Variants in DNAH7 observed in about 807,000 individuals in gnomAD.
The protein encoded by DNAH7 is axonemal beta dynein heavy chain 7.
A neutral mutation model predicts 444.6 loss-of-function variants in DNAH7; 397 were observed. The observed-to-expected ratio is 0.89, with a 90% confidence interval of 0.82 to 0.97. The LOEUF is 0.97. Among genes scored for constraint, DNAH7 ranks in the 50% least tolerant of loss-of-function variants. The pLI, the probability that DNAH7 is intolerant of heterozygous loss-of-function variation, is 0.00. For missense variants in DNAH7, 4,902 were observed against 4,800.8 expected (o/e 1.02, Z -0.62); for synonymous variants, 1,636 against 1,624.4 (o/e 1.01, Z -0.17).
intron 24 of DNAH7, among the ~76,000 whole-genome samples, chr2:195,921,404 C>T (rs966502445): frequency 1.3e-5 from 2 of 148,960 alleles, no homozygotes; most frequent in Non-Finnish European, 3.0e-5. Flanking sequence ...CCATGGAATA[C>T]TACTCAGCCA....
chr2:195,810,883 A>G (rs759141664), intron 51 of DNAH7, among the ~76,000 whole-genome samples: 1 of 152,212 alleles, frequency 6.6e-6, no homozygotes, highest in Non-Finnish European at 1.5e-5. Context: ...CATGGCATTG[A>G]ATTTGTCTCA....
At chr2:195,809,170 A>G (rs1457469890) in intron 52 of DNAH7, among the ~76,000 whole-genome samples, 7 of 152,232 alleles carry the variant, frequency 4.6e-5, no homozygotes, top group Non-Finnish European at 7.3e-5. Context: ...GTGTTTTCCA[A>G]AATGACTGCC....
intron 38 of DNAH7, among the ~76,000 whole-genome samples, chr2:195,875,404 G>A (rs1700989074): frequency 6.8e-6 from 1 of 146,664 alleles, no homozygotes; most frequent in South Asian, 2.1e-4. Flanking sequence ...TCCAGAAGGT[G>A]GGAGAAAAAA....
At chr2:195,763,615 T>C (rs1694444812) in intron 61 of DNAH7, among the ~76,000 whole-genome samples, 1 of 152,024 alleles carries the variant, frequency 6.6e-6, no homozygotes, top group Non-Finnish European at 1.5e-5. Flanking sequence ...ACCAATAAAC[T>C]GGAAAACCTA....
At chr2:195,990,213 T>TA (rs1693208185) in intron 12 of DNAH7, among the ~76,000 whole-genome samples, 1 of 152,240 alleles carries the variant, frequency 6.6e-6, no homozygotes, top group African/African-American at 2.4e-5. Context: ...TTTTGGGTGT[T>TA]ACATTTAAAT....
chr2:196,036,571 C>G (rs374845854), intron 5 of DNAH7, among the ~76,000 whole-genome samples: 13 of 152,150 alleles, frequency 8.5e-5, no homozygotes, highest in African/African-American at 2.4e-4. Context: ...CTGCCACCAA[C>G]AATGACCTTG....
intron 23 of DNAH7, 112 bp downstream of exon 23, chr2:195,923,483 C>T: frequency 1.0e-6 from 1 of 986,796 alleles, no homozygotes; most frequent in Non-Finnish European, 1.5e-6. Flanking sequence ...AGTCTGCCAT[C>T]AGCAAAAGAT....
intron 24 of DNAH7, among the ~76,000 whole-genome samples, chr2:195,921,392 C>CAT (rs1176972368): frequency 2.0e-5 from 3 of 146,748 alleles, no homozygotes; most frequent in Non-Finnish European, 4.5e-5. Context: ...CACACACACA[C>CAT]ACCATGGAAT....
intron 24 of DNAH7, among the ~76,000 whole-genome samples, chr2:195,917,668 T>C (rs1457065668): frequency 6.6e-6 from 1 of 152,164 alleles, no homozygotes; most frequent in Non-Finnish European, 1.5e-5. Context: ...AGGCAAGGAA[T>C]TGAGGTTGCT....
chr2:195,862,712 C>CT (rs1700094687), intron 41 of DNAH7, among the ~76,000 whole-genome samples: 2 of 152,154 alleles, frequency 1.3e-5, no homozygotes, highest in Non-Finnish European at 2.9e-5. Context: ...AATACTGACA[C>CT]TTTTTTGTCT....
intron 11 of DNAH7, among the ~76,000 whole-genome samples, chr2:196,001,087 G>GATATCA (rs1694006340): frequency 6.6e-6 from 1 of 152,032 alleles, no homozygotes; most frequent in Non-Finnish European, 1.5e-5. Context: ...GGGACTACAG[G>GATATCA]TCAACTACAG....
At chr2:195,782,100 TTTTACA>T (rs1695416732) in intron 58 of DNAH7, among the ~76,000 whole-genome samples, 1 of 152,156 alleles carries the variant, frequency 6.6e-6, no homozygotes, top group Non-Finnish European at 1.5e-5. Context: ...AATTTTCTTC[TTTTACA>T]CTTTTAATTT....
Position 195,988,109 on chromosome 2 carries a change from T to C in DNAH7, c.1474A>G (p.Arg492Gly), listed in dbSNP as rs1248034265. The change falls in exon 13 of 65, where the codon AGA becomes GGA. Residue 492 changes from arginine (R) to glycine (G), a missense_variant. Arg to Gly is a moderately radical substitution (Grantham distance 125). Transcript: ENST00000312428. Reference protein sequence around the residue: ...KESVAPTEHLRLYDKYDFLIT... With the variant: ...KESVAPTEHLGLYDKYDFLIT... ...AAAAAGTCATACTTGTCATAGAGTC[T>C]GAGGTGCTCAGTAGGTGCCACACTC... The C allele has an allele frequency of 6.2e-7, 1 of 1,613,840 alleles. No homozygotes were observed. Among genetic ancestry groups the C allele is most frequent in the African/African-American group, 1.3e-5 (1 of 75,068 alleles).
At chr2:195,877,633 T>C (rs897216261) in intron 36 of DNAH7, among the ~76,000 whole-genome samples, 3 of 152,176 alleles carry the variant, frequency 2.0e-5, no homozygotes, top group African/African-American at 4.8e-5. Flanking sequence ...ATACATATTT[T>C]AAAAAGGACT....
At chr2:195,845,619 A>G (rs1362932858) in intron 46 of DNAH7, among the ~76,000 whole-genome samples, 1 of 152,252 alleles carries the variant, frequency 6.6e-6, no homozygotes, top group Non-Finnish European at 1.5e-5. Flanking sequence ...GAACTATACT[A>G]CAAGGCTCCA....
chr2:195,839,550 A>G (rs962130575), intron 47 of DNAH7, among the ~76,000 whole-genome samples: 3 of 151,736 alleles, frequency 2.0e-5, no homozygotes, highest in Non-Finnish European at 4.4e-5. Context: ...ACAAAAAAAG[A>G]ATGGAGAAAA....
At chr2:196,019,943 C>T (rs1467259188) in intron 8 of DNAH7, among the ~76,000 whole-genome samples, 1 of 151,056 alleles carries the variant, frequency 6.6e-6, no homozygotes, top group African/African-American at 2.4e-5. Flanking sequence ...CTCTCCCTCC[C>T]CCTCCTCCTC....
chr2:195,934,528 A>G (rs1278265741), intron 21 of DNAH7, 63 bp downstream of exon 21: 16 of 1,515,846 alleles, frequency 1.1e-5, no homozygotes, highest in Non-Finnish European at 1.5e-5. Flanking sequence ...TATCAACAGA[A>G]TATTTCTAAT....
chr2:195,740,151 T>C (rs1692910682), intron 64 of DNAH7, among the ~76,000 whole-genome samples: 1 of 152,064 alleles, frequency 6.6e-6, no homozygotes, highest in East Asian at 1.9e-4. Flanking sequence ...ACCCGGCTAA[T>C]TTTTGTATTT....
Sources: gnomAD v4.1 joint callset for allele counts (sites outside exome capture counted in the v4.1 genomes callset) on GRCh38, gnomAD v4.1.1 for gene constraint, MANE v1.5 for transcripts, NCBI Gene and HGNC (gene_info 2026-07-23, HGNC 2026-07-21) for gene names.